Variants in CDK13 observed in about 807,000 individuals in gnomAD.
CDK13 encodes the protein cyclin-dependent kinase 13.
Under a neutral mutation model 137.6 loss-of-function variants are expected in CDK13, and 40 were observed. The observed-to-expected ratio is 0.29, with a 90% confidence interval of 0.23 to 0.38. CDK13 has a LOEUF of 0.38. Among genes scored for constraint, CDK13 ranks in the 10% least tolerant of loss-of-function variants. The pLI, the probability that CDK13 is intolerant of heterozygous loss-of-function variation, is 1.00. For synonymous variants in CDK13, 869 were observed against 760.1 expected, an observed-to-expected ratio of 1.14 and a Z score of -2.36; for missense variants, 1,704 against 1,951.8, an observed-to-expected ratio of 0.87 and a Z score of 2.39.
At chr7:39,995,251 TATAG>T (rs1784536918) in intron 2 of CDK13, among the ~76,000 whole-genome samples, 1 of 152,204 alleles carries the variant, frequency 6.6e-6, no homozygotes, top group Non-Finnish European at 1.5e-5. Flanking sequence ...GGACATTTAA[TATAG>T]ATAGTCTTTT....
At chr7:39,965,086 A>G (rs1783837875) in intron 1 of CDK13, among the ~76,000 whole-genome samples, 1 of 152,202 alleles carries the variant, frequency 6.6e-6, no homozygotes, top group Non-Finnish European at 1.5e-5. Context: ...GGTGCTGAAA[A>G]GAATGTATAT....
chr7:39,955,526 G>A (rs557793200), intron 1 of CDK13, among the ~76,000 whole-genome samples: 1 of 152,198 alleles, frequency 6.6e-6, no homozygotes, highest in South Asian at 2.1e-4. Context: ...TTGGCATTCA[G>A]GGGCGCTGGC....
At chr7:40,025,410 T>A (rs1018407224) in intron 5 of CDK13, among the ~76,000 whole-genome samples, 1 of 152,102 alleles carries the variant, frequency 6.6e-6, no homozygotes, top group Middle Eastern at 3.2e-3. Flanking sequence ...TATATAAAAT[T>A]ATAATTTAAA....
chr7:40,055,168 G>GTC (rs1419424449), intron 7 of CDK13, among the ~76,000 whole-genome samples: 26 of 151,404 alleles, frequency 1.7e-4, no homozygotes, highest in Non-Finnish European at 2.8e-4. Context: ...GTGTGTGTGT[G>GTC]TGTGTGTGTG....
At chr7:40,088,735 C>T (rs1020923168) in intron 12 of CDK13, among the ~76,000 whole-genome samples, 3 of 152,076 alleles carry the variant, frequency 2.0e-5, no homozygotes, top group Admixed American at 6.5e-5. Flanking sequence ...CCATTTATAG[C>T]GTCCTCATGT....
intron 9 of CDK13, among the ~76,000 whole-genome samples, chr7:40,076,192 T>G (rs1786540899): frequency 6.6e-6 from 1 of 152,170 alleles, no homozygotes; most frequent in East Asian, 1.9e-4. Flanking sequence ...TGGGGTTGAT[T>G]AATTGTGTTT....
intron 5 of CDK13, among the ~76,000 whole-genome samples, chr7:40,029,657 T>G (rs1011509613): frequency 1.3e-5 from 2 of 151,998 alleles, no homozygotes; most frequent in African/African-American, 4.8e-5. Flanking sequence ...ATTCTTTTTT[T>G]TTTTCTTTTT....
rs1310448034 is a variant in CDK13 at position 39,997,529 on chromosome 7, AAGAAGT to A, written c.1912_1917del (p.Val638_Glu639del). On this transcript the variant is annotated inframe_deletion, in exon 3 of 14. Coordinates refer to ENST00000181839, the MANE Select transcript of CDK13 (RefSeq NM_003718.5). Reference sequence around the variant, plus strand: ...AATATTTCAGTAAAAGCAGTTAAAAAAGAAGTAGAAAAGAAACTCCGATGTCTTCTT... The same window carrying A: ...AATATTTCAGTAAAAGCAGTTAAAAAAGAAAAGAAACTCCGATGTCTTCTT... 1 of 1,601,876 alleles carries A rather than the reference AAGAAGT, an allele frequency of 6.2e-7. No individual in the cohort carries two copies. Among genetic ancestry groups the A allele is most frequent in the Admixed American group, 1.8e-5 (1 of 56,048 alleles).
chr7:40,050,936 A>G (rs1785873573), intron 7 of CDK13, among the ~76,000 whole-genome samples: 1 of 152,206 alleles, frequency 6.6e-6, no homozygotes, highest in Non-Finnish European at 1.5e-5. Context: ...GATATGTTTC[A>G]GAAAAGCTGA....
At position 40,095,209 on chromosome 7, in the gene CDK13, A is replaced by G. The variant is rs1787023228; in HGVS notation, c.*229A>G. ...TGTACATCTTCACAAATTCTAGTTAACAATTTTATTTTGTATTCTTGCAGT... is the reference window on the plus strand; with the variant it reads ...TGTACATCTTCACAAATTCTAGTTAGCAATTTTATTTTGTATTCTTGCAGT... On this transcript the variant is annotated 3_prime_UTR_variant, in exon 14 of 14. Coordinates refer to ENST00000181839, the MANE Select transcript of CDK13 (RefSeq NM_003718.5). 3.0e-6 allele frequency: 1 copy of G among 330,674 alleles called. No individual in the cohort carries two copies. The highest frequency in any genetic ancestry group is 5.4e-6 in the Non-Finnish European group (1 of 186,454). 20.5% of individuals were successfully genotyped at this position (330,674 alleles called of 1,614,324 possible). A position where few individuals can be genotyped will look rare whatever the true frequency, so the allele number is the denominator to read the frequency against.
At chr7:40,069,343 C>T (rs115647857) in intron 9 of CDK13, 291 of 456,082 alleles carry the variant, frequency 6.4e-4, no homozygotes, top group African/African-American at 5.6e-3. Flanking sequence ...ATAAACAAAT[C>T]TGACTATAAT....
chr7:39,988,635 T>C (rs549437770), intron 2 of CDK13, among the ~76,000 whole-genome samples: 1 of 152,324 alleles, frequency 6.6e-6, no homozygotes, highest in South Asian at 2.1e-4. Flanking sequence ...TTTGTCTCAT[T>C]TATTTCTAAG....
intron 5 of CDK13, among the ~76,000 whole-genome samples, chr7:40,013,476 A>G (rs1211136081): frequency 6.6e-6 from 1 of 152,252 alleles, no homozygotes; most frequent in African/African-American, 2.4e-5. Context: ...GGGTAAACCA[A>G]GAAAACGTGC....
chr7:39,973,469 T>C (rs1377428154), intron 1 of CDK13, among the ~76,000 whole-genome samples: 1 of 152,154 alleles, frequency 6.6e-6, no homozygotes, highest in Non-Finnish European at 1.5e-5. Context: ...GCTGTCGTCT[T>C]ATTATAGGAT....
chr7:39,952,520 A>C, intron 1 of CDK13: 1 of 152,234 alleles, frequency 6.6e-6, no homozygotes, highest in African/African-American at 2.4e-5. Flanking sequence ...TAATTATAGA[A>C]GGTAGAAAAA....
chr7:40,094,483 C>T lies in CDK13; in HGVS notation c.4042C>T (p.Pro1348Ser). The stretch of plus-strand genomic sequence containing the variant: ...TGGATCCTCTTCTTTCTCTTCTGCT[C>T]CTTATGTTAGCAATGATGGTCTAGG... ...NFGSSSFSSA[P>S]YVSNDGLGSS... Residue 1348 changes from proline to serine, a missense_variant, in exon 14 of 14, where the codon CCT (proline) becomes TCT (serine). Pro to Ser is a moderately conservative substitution (Grantham distance 74, BLOSUM62 -1). This residue lies in a region of CDK13 where 475 missense variants were observed against 579.3 expected (regional missense o/e 0.82). Coordinates refer to ENST00000181839, the MANE Select transcript of CDK13 (RefSeq NM_003718.5). The T allele has an allele frequency of 6.2e-7, 1 of 1,613,604 alleles. No individual in the cohort carries two copies. The highest frequency in any genetic ancestry group is 8.5e-7 in the Non-Finnish European group (1 of 1,179,984).
intron 2 of CDK13, among the ~76,000 whole-genome samples, 165 bp from the exon 3 acceptor site, chr7:39,997,329 G>C (rs1176522348): frequency 6.6e-6 from 1 of 152,100 alleles, no homozygotes; most frequent in African/African-American, 2.4e-5. Context: ...TTATACAGTT[G>C]AGTATAGTGT....
At chr7:39,990,076 G>A (rs920649958) in intron 2 of CDK13, among the ~76,000 whole-genome samples, 4 of 152,130 alleles carry the variant, frequency 2.6e-5, no homozygotes, top group Non-Finnish European at 5.9e-5. Flanking sequence ...GAGCCACTGC[G>A]CCCAACCTAC....
chr7:39,983,729 A>G (rs1026173787), intron 1 of CDK13, among the ~76,000 whole-genome samples: 6 of 152,230 alleles, frequency 3.9e-5, no homozygotes, highest in Non-Finnish European at 7.3e-5. Context: ...AACATGACGT[A>G]TATCAGACTT....
Sources: gnomAD v4.1 joint callset for allele counts (sites outside exome capture counted in the v4.1 genomes callset) on GRCh38, gnomAD v4.1.1 for gene constraint, gnomAD v4.1.1 regional missense constraint, MANE v1.5 for transcripts, NCBI Gene and HGNC (gene_info 2026-07-23, HGNC 2026-07-21) for gene names.